The following CHST9 variants were observed in gnomAD, a reference collection of about 807,000 sequenced individuals.
CHST9 encodes GalNAc-4-sulfotransferase 2.
Under a neutral mutation model 44.4 loss-of-function variants are expected in CHST9, and 41 were observed. The ratio of observed to expected loss-of-function variants is 0.92; its 90% CI spans 0.72 to 1.20. The LOEUF is 1.20. Ranked by LOEUF, CHST9 falls within the 50% of genes most tolerant of loss-of-function variation. The pLI is 0.00. For synonymous variants in CHST9, 171 were observed against 178.4 expected (o/e 0.96, Z 0.33); for missense variants, 504 against 516.5 (o/e 0.98, Z 0.23).
intron 2 of CHST9, among the ~76,000 whole-genome samples, chr18:27,113,831 C>T (rs755156431): frequency 6.6e-6 from 1 of 152,140 alleles, no homozygotes; most frequent in Non-Finnish European, 1.5e-5. Flanking sequence ...GTCACATAAA[C>T]CAACTTGAGG....
chr18:27,179,821 T>C (rs1264509953), intron 1 of CHST9, among the ~76,000 whole-genome samples: 1 of 152,136 alleles, frequency 6.6e-6, no homozygotes, highest in Non-Finnish European at 1.5e-5. Context: ...ATAATGTTGA[T>C]AGAAATTAAA....
At chr18:27,004,588 A>G (rs2056992392) in intron 4 of CHST9, among the ~76,000 whole-genome samples, 1 of 152,104 alleles carries the variant, frequency 6.6e-6, no homozygotes, top group Non-Finnish European at 1.5e-5. Context: ...GTTTTATTTC[A>G]GAAAGTACTT....
At chr18:27,172,030 T>C (rs2143960061) in intron 1 of CHST9, among the ~76,000 whole-genome samples, 1 of 152,308 alleles carries the variant, frequency 6.6e-6, no homozygotes, top group Admixed American at 6.5e-5. Flanking sequence ...AATTCAAATA[T>C]ACTTATAATA....
At chr18:27,051,022 T>G (rs757541545) in intron 2 of CHST9, among the ~76,000 whole-genome samples, 56 of 152,208 alleles carry the variant, frequency 3.7e-4, no homozygotes, top group Non-Finnish European at 7.1e-4. Context: ...CTTTTGATAT[T>G]CACGTCCTGT....
intron 5 of CHST9, among the ~76,000 whole-genome samples, chr18:26,932,527 G>T (rs2055896958): frequency 6.6e-6 from 1 of 151,692 alleles, no homozygotes; most frequent in African/African-American, 2.4e-5. Flanking sequence ...TTGTGGAGCT[G>T]TGTGTGTTAG....
intron 5 of CHST9, among the ~76,000 whole-genome samples, chr18:26,920,477 A>G (rs1017106492): frequency 3.3e-5 from 5 of 152,060 alleles, no homozygotes; most frequent in African/African-American, 9.7e-5. Context: ...AAATGATTTT[A>G]TTTATTTCCT....
intron 3 of CHST9, among the ~76,000 whole-genome samples, chr18:27,035,458 A>G (rs2057381213): frequency 6.6e-6 from 1 of 152,188 alleles, no homozygotes; most frequent in Non-Finnish European, 1.5e-5. Flanking sequence ...ACCAACAGAT[A>G]AATGGATAAA....
rs1487298897 is a variant in CHST9, at chr18:26,915,137, CTT to C, written c.*1120_*1121del. The C allele has an allele frequency of 2.5e-6, 1 of 393,932 alleles. No individual in the cohort carries two copies. The highest frequency in any genetic ancestry group is 2.1e-5 in the African/African-American group (1 of 48,500). The allele number at this position is 393,932 out of a possible 1,614,324, so 24.4% of individuals were successfully genotyped here. ...ACTTTGTTAGTATAGAATATTTAAA[CTT>C]AAAAAGAAAATACCTTAATTTACTT... On this transcript the variant is annotated 3_prime_UTR_variant, in exon 6 of 6. Coordinates refer to ENST00000618847, the MANE Select transcript of CHST9 (RefSeq NM_031422.6).
In CHST9 at chr18:26,916,867, A is replaced by G. The variant is rs748675373; in HGVS notation, c.724T>C (p.Tyr242His). The change falls in exon 6 of 6, where the codon TAC becomes CAC. Residue 242 changes from tyrosine (Y) to histidine (H), a missense_variant. Physicochemically the swap from Tyr to His is moderately conservative, Grantham distance 83. Transcript: ENST00000618847. ...TGGACAGCATTGTGGGAGATGTTGT[A>G]TGCAGAGGAAGCCAATCCATTTAGT... Reference protein sequence around the residue: ...MVLNGLASSAYNISHNAVHYG... With the variant: ...MVLNGLASSAHNISHNAVHYG... 9 of 1,613,966 alleles carry G rather than the reference A, an allele frequency of 5.6e-6. No individual in the cohort carries two copies. The East Asian group carries it at 2.0e-4, about 36-fold the overall frequency.
intron 2 of CHST9, among the ~76,000 whole-genome samples, chr18:27,050,074 T>C (rs571261061): frequency 2.8e-4 from 43 of 151,974 alleles, no homozygotes; most frequent in Non-Finnish European, 5.9e-4. Context: ...TGTTGCTAGA[T>C]TGTGAGAGAG....
intron 1 of CHST9, among the ~76,000 whole-genome samples, chr18:27,153,451 C>G (rs2058673662): frequency 6.6e-6 from 1 of 151,814 alleles, no homozygotes; most frequent in Non-Finnish European, 1.5e-5. Flanking sequence ...TAGATCTAGT[C>G]TCTGCCTCCC....
intron 3 of CHST9, among the ~76,000 whole-genome samples, chr18:27,029,717 GT>G (rs2057320745): frequency 6.6e-6 from 1 of 152,130 alleles, no homozygotes. Flanking sequence ...ATATGGTATT[GT>G]TTAGGAAATG....
intron 2 of CHST9, among the ~76,000 whole-genome samples, chr18:27,108,535 T>G (rs1210534971): frequency 6.6e-6 from 1 of 152,176 alleles, no homozygotes; most frequent in East Asian, 1.9e-4. Flanking sequence ...TACTGAAAGA[T>G]AGATTAGGGG....
At chr18:27,009,034 A>G (rs1427895681) in intron 4 of CHST9, among the ~76,000 whole-genome samples, 1 of 151,900 alleles carries the variant, frequency 6.6e-6, no homozygotes, top group Non-Finnish European at 1.5e-5. Flanking sequence ...ATAGAAATAT[A>G]CCTCTATAGT....
intron 2 of CHST9, among the ~76,000 whole-genome samples, chr18:27,069,980 G>A (rs889401511): frequency 6.6e-6 from 1 of 152,148 alleles, no homozygotes; most frequent in Non-Finnish European, 1.5e-5. Flanking sequence ...TAGCAACAGT[G>A]CCTTGAACAC....
chr18:26,946,571 T>C (rs768536709), intron 4 of CHST9, among the ~76,000 whole-genome samples: 5 of 152,194 alleles, frequency 3.3e-5, no homozygotes, highest in Non-Finnish European at 7.3e-5. Flanking sequence ...AGTGCACAGG[T>C]AGTGACATCA....
chr18:27,137,858 C>T (rs9946228), intron 2 of CHST9, among the ~76,000 whole-genome samples: 1 of 152,034 alleles, frequency 6.6e-6, no homozygotes, highest in Non-Finnish European at 1.5e-5. Flanking sequence ...AATAGTGCCA[C>T]TTATAAACTT....
intron 1 of CHST9, among the ~76,000 whole-genome samples, chr18:27,173,429 G>A (rs972831822): frequency 2.0e-5 from 3 of 151,888 alleles, no homozygotes; most frequent in Non-Finnish European, 4.4e-5. Flanking sequence ...TTTTGTAGGC[G>A]AGCACCAATG....
chr18:27,091,500 GA>G (rs1173049164), intron 2 of CHST9, among the ~76,000 whole-genome samples: 5 of 152,164 alleles, frequency 3.3e-5, no homozygotes, highest in African/African-American at 1.2e-4. Flanking sequence ...GGAGTGGTGA[GA>G]GAGGGCATCT....
Sources: allele counts gnomAD v4.1 joint callset (sites outside exome capture counted in the v4.1 genomes callset), GRCh38; gene constraint gnomAD v4.1.1; transcripts MANE v1.5; gene names NCBI Gene and HGNC (gene_info 2026-07-23, HGNC 2026-07-21).